The following FAM20A variants were observed in gnomAD, a reference collection of about 807,000 sequenced individuals.
The protein encoded by FAM20A is pseudokinase FAM20A.
A neutral mutation model predicts 52.0 loss-of-function variants in FAM20A; 42 were observed. That is an observed-to-expected ratio of 0.81 (90% CI 0.63 to 1.04). The LOEUF (loss-of-function observed/expected upper bound fraction) is 1.04. FAM20A is among the 50% of genes least tolerant of loss of function. The pLI is 0.00. For missense variants in FAM20A, 742 were observed against 712.7 expected (o/e 1.04, Z -0.47); for synonymous variants, 304 against 298.9 (o/e 1.02, Z -0.18).
At chr17:68,559,012 C>A (rs2087135488) in intron 1 of FAM20A, among the ~76,000 whole-genome samples, 1 of 152,326 alleles carries the variant, frequency 6.6e-6, no homozygotes, top group East Asian at 1.9e-4. Flanking sequence ...CCCGCCTTGA[C>A]CACCCAAAGA....
chr17:68,539,923 C>G lies in FAM20A; in HGVS notation c.1263G>C (p.Gly421=), dbSNP rs150400613. Residue 421 remains glycine, a synonymous_variant, in exon 9 of 11, where the codon GGG becomes GGC. Transcript: ENST00000592554. The part of the protein sequence containing the change: ...RHHYEMFTKF[G]DDGFLIHLDN... ...CAAGGTGAATAAGGAACCCATCATC[C>G]CCGAACTTGGTGAACATCTCATAAT... The G allele has an allele frequency of 6.2e-7, 1 of 1,614,186 alleles. No homozygotes were observed.
intron 1 of FAM20A, among the ~76,000 whole-genome samples, chr17:68,586,658 C>T (rs1271164347): frequency 6.6e-6 from 1 of 152,198 alleles, no homozygotes; most frequent in African/African-American, 2.4e-5. Context: ...AGAACAGATT[C>T]TCCTCTCAAG....
At chr17:68,559,481 A>G (rs1405954249) in intron 1 of FAM20A, among the ~76,000 whole-genome samples, 2 of 152,226 alleles carry the variant, frequency 1.3e-5, no homozygotes, top group Middle Eastern at 3.2e-3. Context: ...TTTCATCAAC[A>G]AAAATAAAAC....
In FAM20A at chr17:68,578,551, T is replaced by C. The variant is rs1030317179; in HGVS notation, c.404+21712A>G. ...ATTTATTGAGATATTAATGTGTTTT[T>C]TGTTCTTCCGGAATTTTACCCACCC... On this transcript the variant is annotated intron_variant, in intron 1 of 10. Coordinates refer to ENST00000592554, the MANE Select transcript of FAM20A (RefSeq NM_017565.4). Among the ~76,000 whole-genome samples, 4 of 152,258 alleles carry C rather than the reference T, an allele frequency of 2.6e-5. No homozygotes were observed. In the South Asian group the frequency reaches 8.3e-4, roughly 32 times the overall value.
intron 4 of FAM20A, among the ~76,000 whole-genome samples, chr17:68,550,369 CTTTTTT>C (rs747654899): frequency 1.3e-5 from 1 of 79,390 alleles, no homozygotes; most frequent in African/African-American, 5.3e-5. Context: ...AATGGGGGAA[CTTTTTT>C]TTTTTTTTTT....
chr17:68,542,552 G>T, intron 6 of FAM20A, 142 bp downstream of exon 6: 1 of 728,516 alleles, frequency 1.4e-6, no homozygotes, highest in East Asian at 2.7e-5. Flanking sequence ...GACCATGGTG[G>T]GAGTGTCTTA....
chr17:68,556,956 A>C (rs1044729543), intron 1 of FAM20A, among the ~76,000 whole-genome samples: 1 of 152,034 alleles, frequency 6.6e-6, no homozygotes, highest in African/African-American at 2.4e-5. Flanking sequence ...AAAAATTACC[A>C]CTTTGGGAGG....
At chr17:68,538,965 G>C (rs1434290327) in intron 10 of FAM20A, among the ~76,000 whole-genome samples, 1 of 152,172 alleles carries the variant, frequency 6.6e-6, no homozygotes, top group Non-Finnish European at 1.5e-5. Flanking sequence ...ATCAGAGAGT[G>C]TACTCACACA....
intron 4 of FAM20A, chr17:68,551,298 A>G: frequency 2.3e-6 from 1 of 434,444 alleles, no homozygotes; most frequent in Non-Finnish European, 3.9e-6. Context: ...TGAATAAAAT[A>G]TAAATTAATG....
intron 7 of FAM20A, 91 bp downstream of exon 7, chr17:68,541,893 CA>C: frequency 6.8e-7 from 1 of 1,460,756 alleles, no homozygotes; most frequent in South Asian, 1.3e-5. Flanking sequence ...GGCAGCTTTT[CA>C]GATTCAAAAG....
At chr17:68,548,979 G>T (rs374260211) in intron 4 of FAM20A, among the ~76,000 whole-genome samples, 4 of 151,792 alleles carry the variant, frequency 2.6e-5, no homozygotes, top group African/African-American at 4.8e-5. Context: ...TGATCTGCCC[G>T]CCTCAGCCTC....
At position 68,563,386 on chromosome 17, in the gene FAM20A, C is replaced by CA. The variant is rs3059269; in HGVS notation, c.405-7644dup. Among the ~76,000 whole-genome samples, 19 of 117,892 alleles carry CA rather than the reference C, an allele frequency of 1.6e-4. 1 individual carries two copies. The highest frequency in any genetic ancestry group is 1.5e-4 in the Non-Finnish European group (9 of 58,464). The allele number at this position is 117,892 out of a possible 152,430, so 77.3% of individuals were successfully genotyped here. On this transcript the variant is annotated intron_variant, in intron 1 of 10. Coordinates refer to ENST00000592554, the MANE Select transcript of FAM20A (RefSeq NM_017565.4). ...AGGCAACAAGAGTGAGACTCCGTCT[C>CA]AAAAAAAAAAAAAAAAAAAGAAAGA...
chr17:68,573,250 C>T (rs1361338898), intron 1 of FAM20A, among the ~76,000 whole-genome samples: 1 of 152,210 alleles, frequency 6.6e-6, no homozygotes, highest in African/African-American at 2.4e-5. Context: ...TATCTAACCT[C>T]TCTGCGCCTC....
intron 4 of FAM20A, among the ~76,000 whole-genome samples, chr17:68,548,395 T>A (rs2086667268): frequency 6.6e-6 from 1 of 152,048 alleles, no homozygotes; most frequent in African/African-American, 2.4e-5. Flanking sequence ...CCAGGTGTGG[T>A]GGGCAGCGCC....
At chr17:68,560,374 G>A (rs1175315955) in intron 1 of FAM20A, among the ~76,000 whole-genome samples, 2 of 151,288 alleles carry the variant, frequency 1.3e-5, no homozygotes, top group African/African-American at 4.9e-5. Context: ...ATTTCGGAAT[G>A]CTATCTCATC....
At chr17:68,552,666 CTTTTTTTTTTTTT>C (rs576230517) in intron 3 of FAM20A, among the ~76,000 whole-genome samples, 1,977 of 66,852 alleles carry the variant, frequency 0.03, 212 homozygotes, top group Non-Finnish European at 0.046. Flanking sequence ...CTTTATTTTC[CTTTTTTTTTTTTT>C]TTTTTTTTTT....
chr17:68,551,317 T>C (rs1012938234), intron 4 of FAM20A: 1 of 410,162 alleles, frequency 2.4e-6, no homozygotes. Context: ...TGTAAACATG[T>C]AATTGACTTC....
At chr17:68,546,278 C>T (rs1317385840) in intron 4 of FAM20A, among the ~76,000 whole-genome samples, 2 of 150,946 alleles carry the variant, frequency 1.3e-5, no homozygotes, top group African/African-American at 4.9e-5. Flanking sequence ...AATTCTAGTT[C>T]TCTTTTATTT....
intron 1 of FAM20A, among the ~76,000 whole-genome samples, chr17:68,582,147 A>G (rs2286563): frequency 0.037 from 5,707 of 152,260 alleles, 157 homozygotes; most frequent in East Asian, 0.12. Context: ...TTAGTAAAAG[A>G]AAAAGAGTTG....
Sources: gnomAD v4.1 joint callset for allele counts (sites outside exome capture counted in the v4.1 genomes callset) on GRCh38, gnomAD v4.1.1 for gene constraint, MANE v1.5 for transcripts, NCBI Gene and HGNC (gene_info 2026-07-23, HGNC 2026-07-21) for gene names.